TBX21: variants seen among roughly 807,000 people sequenced by gnomAD.
The protein encoded by TBX21 is T-box transcription factor 21.
TBX21 carries 11 observed loss-of-function variants against 52.2 expected under a neutral mutation model. The observed-to-expected ratio is 0.21, with a 90% CI of 0.13 to 0.35. The LOEUF (loss-of-function observed/expected upper bound fraction) is 0.35. Among genes scored for constraint, TBX21 ranks in the 10% least tolerant of loss-of-function variants. The pLI, the probability that TBX21 is intolerant of heterozygous loss-of-function variation, is 1.00. For missense variants in TBX21, 625 were observed against 755.1 expected, an observed-to-expected ratio of 0.83 and a Z score of 2.02; for synonymous variants, 300 against 316.1, an observed-to-expected ratio of 0.95 and a Z score of 0.54.
At chr17:47,739,018 T>C (rs1306628885) in intron 1 of TBX21, among the ~76,000 whole-genome samples, 1 of 151,370 alleles carries the variant, frequency 6.6e-6, no homozygotes, top group East Asian at 2.0e-4. Flanking sequence ...GCTCCGAATC[T>C]GGGAGAGGTA....
rs746019499 is a variant in TBX21 at position 47,744,851 on chromosome 17, G to A, written c.1093G>A (p.Val365Ile). The A allele has an allele frequency of 1.2e-6, 2 of 1,614,186 alleles. No homozygotes were observed. Among genetic ancestry groups the A allele is most frequent in the Admixed American group, 3.3e-5 (2 of 60,022 alleles). The change falls in exon 6 of 6, where the codon GTT (valine) becomes ATT (isoleucine). Residue 365 changes from valine (V) to isoleucine (I), a missense_variant. Transcript: ENST00000177694. The part of the protein sequence containing the change: ...YSPLLPNQYP[V>I]PSRFYPDLPG... The stretch of plus-strand genomic sequence containing the variant: ...TCCTCTCCTACCCAACCAGTATCCT[G>A]TTCCCAGCCGCTTCTACCCCGACCT...
Position 47,743,193 on chromosome 17 carries a change from G to C in TBX21, c.768+1G>C. ...GGGGGCGTCCAACAATGTGACCCAG[G>C]TAGGACCTGCTCTTCAAAAGGTAGC... On this transcript the variant is annotated splice_donor_variant, in intron 3 of 5. Transcript: ENST00000177694. LOFTEE classifies it high-confidence loss of function. 1 of 1,614,034 alleles carries C rather than the reference G, an allele frequency of 6.2e-7. No homozygotes were observed. Among genetic ancestry groups the C allele is most frequent in the Non-Finnish European group, 8.5e-7 (1 of 1,179,964 alleles).
chr17:47,740,735 G>A (rs1167094802), intron 1 of TBX21, among the ~76,000 whole-genome samples: 1 of 152,176 alleles, frequency 6.6e-6, no homozygotes, highest in African/African-American at 2.4e-5. Context: ...ATTTCAAAAA[G>A]AAACTGAGAT....
intron 2 of TBX21, 32 bp from the exon 3 acceptor site, chr17:47,743,039 G>C: frequency 6.2e-7 from 1 of 1,612,876 alleles, no homozygotes; most frequent in Non-Finnish European, 8.5e-7. Context: ...CTGTCCCGGG[G>C]GCTGCATGTC....
intron 1 of TBX21, among the ~76,000 whole-genome samples, chr17:47,735,836 C>T (rs1361145624): frequency 6.6e-6 from 1 of 152,236 alleles, no homozygotes; most frequent in Non-Finnish European, 1.5e-5. Context: ...CTTAACCTTC[C>T]ACTCTGTTGT....
At chr17:47,743,034 C>T in intron 2 of TBX21, 37 bp from the exon 3 acceptor site, 1 of 1,611,910 alleles carries the variant, frequency 6.2e-7, no homozygotes, top group Non-Finnish European at 8.5e-7. Flanking sequence ...GGGTTCTGTC[C>T]CGGGGGCTGC....
chr17:47,744,323 C>T lies in TBX21; in HGVS notation c.897C>T (p.Phe299=), dbSNP rs746368241. The stretch of plus-strand genomic sequence containing the variant: ...TCTTTACTTTCCAAGAAACCCAGTT[C>T]ATTGCCGTGACTGCCTACCAGAATG... ...THIFTFQETQ[F]IAVTAYQNAE... Residue 299 remains phenylalanine (F), a synonymous_variant, in exon 4 of 6, where the codon TTC becomes TTT. Transcript: ENST00000177694. 2.5e-5 allele frequency: 40 copies of T among 1,614,134 alleles called. No homozygotes were observed. Among genetic ancestry groups the T allele is most frequent in the Middle Eastern group, 3.3e-4 (2 of 6,084 alleles).
At chr17:47,738,837 G>A (rs2032236886) in intron 1 of TBX21, among the ~76,000 whole-genome samples, 1 of 152,094 alleles carries the variant, frequency 6.6e-6, no homozygotes, top group Non-Finnish European at 1.5e-5. Context: ...CTGACCTCAG[G>A]TGATCCACCT....
chr17:47,733,338 C>A lies in TBX21; in HGVS notation c.-117C>A. On this transcript the variant is annotated 5_prime_UTR_variant, in exon 1 of 6. Transcript: ENST00000177694. This position sits in a 1 kb window ranked among gnomAD's most constrained non-coding sequence, Gnocchi z 6.6. ...AGAGCCCGGGCTCCGGTGGGGTCCC[C>A]CACCCGGCCCTCGGGTCCCCCGCCC... 7.6e-7 allele frequency: 1 copy of A among 1,310,286 alleles called. No homozygotes were observed. The highest frequency in any genetic ancestry group is 9.8e-7 in the Non-Finnish European group (1 of 1,024,210). 81.2% of individuals were successfully genotyped at this position (1,310,286 alleles called of 1,614,324 possible).
In TBX21 at chr17:47,733,362, C is replaced by T. The variant is rs1223247020; in HGVS notation, c.-93C>T. The T allele has an allele frequency of 7.4e-7, 1 of 1,353,858 alleles. No individual in the cohort carries two copies. The highest frequency in any genetic ancestry group is 9.5e-7 in the Non-Finnish European group (1 of 1,057,320). The allele number at this position is 1,353,858 out of a possible 1,614,324, so 83.9% of individuals were successfully genotyped here. A position where few individuals can be genotyped will look rare whatever the true frequency, so the allele number is the denominator to read the frequency against. On this transcript the variant is annotated 5_prime_UTR_variant, in exon 1 of 6. Transcript: ENST00000177694. This position sits in a 1 kb window ranked among gnomAD's most constrained non-coding sequence, Gnocchi z 6.6. The stretch of plus-strand genomic sequence containing the variant: ...CCCACCCGGCCCTCGGGTCCCCCGC[C>T]CCCTGCTCCCTGCCCATCCCAGCCC...
intron 1 of TBX21, 94 bp downstream of exon 1, chr17:47,734,039 C>T: frequency 6.3e-7 from 1 of 1,585,174 alleles, no homozygotes; most frequent in Non-Finnish European, 8.6e-7. Context: ...CTTCTGACTC[C>T]GTGTCCCTCA....
At chr17:47,739,969 C>T (rs1325575536) in intron 1 of TBX21, among the ~76,000 whole-genome samples, 2 of 152,078 alleles carry the variant, frequency 1.3e-5, no homozygotes, top group Non-Finnish European at 1.5e-5. Flanking sequence ...ATGCACTCTG[C>T]AGTCAGAAGA....
chr17:47,734,388 T>TC lies in TBX21; in HGVS notation c.491+448dup, dbSNP rs141156878. On this transcript the variant is annotated intron_variant, in intron 1 of 5. Coordinates refer to ENST00000177694, the MANE Select transcript of TBX21 (RefSeq NM_013351.2). ...TATCTCCGGGCCCCCTGCGCCCACC[T>TC]CCCCCGGCTCCTTTGCTGCTGGTGT... Among the ~76,000 whole-genome samples, 17 of 152,016 alleles carry TC rather than the reference T, an allele frequency of 1.1e-4. No individual in the cohort carries two copies. The South Asian group carries it at 3.3e-3, about 30-fold the overall frequency.
intron 1 of TBX21, among the ~76,000 whole-genome samples, chr17:47,740,316 C>A (rs2032254346): frequency 6.6e-6 from 1 of 152,156 alleles, no homozygotes; most frequent in African/African-American, 2.4e-5. Context: ...AATCCACCCT[C>A]CTCGGCCTCA....
intron 5 of TBX21, 71 bp downstream of exon 5, chr17:47,744,614 G>A (rs1169811484): frequency 1.2e-6 from 2 of 1,608,920 alleles, no homozygotes; most frequent in African/African-American, 2.7e-5. Flanking sequence ...CCTGAAAACA[G>A]GAGGGTGGGG....
Position 47,745,529 on chromosome 17 carries a change from AC to A in TBX21, c.*165del. On this transcript the variant is annotated 3_prime_UTR_variant, in exon 6 of 6. Coordinates refer to ENST00000177694, the MANE Select transcript of TBX21 (RefSeq NM_013351.2). The stretch of plus-strand genomic sequence containing the variant: ...GGGCTCAAGAAGGATTTTGGGGTTC[AC>A]CAGATGCTTCCTGGCCCACGATGAA... 1 of 984,278 alleles carries A rather than the reference AC, an allele frequency of 1.0e-6. No individual in the cohort carries two copies. The highest frequency in any genetic ancestry group is 1.8e-5 in the South Asian group (1 of 54,708). 61.0% of individuals were successfully genotyped at this position (984,278 alleles called of 1,614,324 possible). A position where few individuals can be genotyped will look rare whatever the true frequency, so the allele number is the denominator to read the frequency against.
In TBX21 at chr17:47,743,075, C is replaced by A; in HGVS notation, c.651C>A (p.Asn217Lys). Residue 217 changes from asparagine (N) to lysine (K), a missense_variant, in exon 3 of 6, where the codon AAC becomes AAA. By Grantham distance (94) the Asn-to-Lys change is moderately conservative (BLOSUM62 0). Transcript: ENST00000177694. Reference sequence around the variant, plus strand: ...AAAGAGGTGAACTGTCCACAGGAAACCGCCTGTACGTCCACCCGGACTCCC... The same window carrying A: ...AAAGAGGTGAACTGTCCACAGGAAAACGCCTGTACGTCCACCCGGACTCCC... Reference protein sequence around the residue: ...CGKAEGSMPGNRLYVHPDSPN... With the variant: ...CGKAEGSMPGKRLYVHPDSPN... 6.2e-7 allele frequency: 1 copy of A among 1,614,154 alleles called. No individual in the cohort carries two copies. The highest frequency in any genetic ancestry group is 8.5e-7 in the Non-Finnish European group (1 of 1,180,020).
intron 1 of TBX21, among the ~76,000 whole-genome samples, chr17:47,734,644 T>C (rs939484206): frequency 2.9e-5 from 4 of 137,828 alleles, no homozygotes; most frequent in African/African-American, 1.1e-4. Context: ...TGGGGGCTAG[T>C]GCAGTAAAGC....
intron 1 of TBX21, among the ~76,000 whole-genome samples, chr17:47,737,184 C>T (rs182844678): frequency 6.6e-6 from 1 of 152,264 alleles, no homozygotes; most frequent in African/African-American, 2.4e-5. Flanking sequence ...GATAATGCCC[C>T]ACACAGGCTT....
Sources: allele counts gnomAD v4.1 joint callset (sites outside exome capture counted in the v4.1 genomes callset), GRCh38; gene constraint gnomAD v4.1.1; non-coding constraint Gnocchi (gnomAD v3.1); transcripts MANE v1.5; gene names NCBI Gene and HGNC (gene_info 2026-07-23, HGNC 2026-07-21).